TENM2: variants seen among roughly 807,000 people sequenced by gnomAD.
TENM2 encodes teneurin transmembrane protein 2.
In TENM2, 52 loss-of-function variants were observed where a neutral mutation model predicts 245.2. The observed-to-expected ratio is 0.21, with a 90% confidence interval of 0.17 to 0.27. TENM2 has a LOEUF of 0.27. TENM2 is among the 10% of genes least tolerant of loss of function. The probability of loss-of-function intolerance (pLI) is 1.00; values close to 1 mark genes in which losing one functional copy is unlikely to be tolerated. For missense variants in TENM2, 3,046 were observed against 3,666.8 expected, an observed-to-expected ratio of 0.83 and a Z score of 4.37; for synonymous variants, 1,363 against 1,438.9, an observed-to-expected ratio of 0.95 and a Z score of 1.19.
chr5:167,914,083 G>A (rs1776746194), intron 3 of TENM2, among the ~76,000 whole-genome samples: 1 of 152,182 alleles, frequency 6.6e-6, no homozygotes, highest in Non-Finnish European at 1.5e-5. Context: ...GGATAGTAGA[G>A]TCTTCCCCTG....
chr5:167,287,516 T>C (rs1754359893), intron 1 of TENM2: 1 of 152,084 alleles, frequency 6.6e-6, no homozygotes, highest in Admixed American at 6.5e-5. Flanking sequence ...GCAAACACAG[T>C]TGGATGACTC....
At chr5:167,916,732 A>C (rs1202067895) in intron 3 of TENM2, among the ~76,000 whole-genome samples, 1 of 152,090 alleles carries the variant, frequency 6.6e-6, no homozygotes, top group East Asian at 1.9e-4. Flanking sequence ...CCAGAACCAA[A>C]AAAAATAAAA....
At chr5:168,079,892 T>C (rs1791826574) in intron 7 of TENM2, among the ~76,000 whole-genome samples, 1 of 152,158 alleles carries the variant, frequency 6.6e-6, no homozygotes, top group African/African-American at 2.4e-5. Context: ...TAAAATTCTC[T>C]TTTTTTGTTG....
At chr5:167,122,022 AT>A in the TENM2 span, among the ~76,000 whole-genome samples, 3 of 152,026 alleles carry the variant, frequency 2.0e-5, no homozygotes, top group Non-Finnish European at 1.5e-5. Flanking sequence ...AGCTATAGCT[AT>A]TTTTTTTCCA....
chr5:168,013,389 A>C (rs1349400147), intron 5 of TENM2, among the ~76,000 whole-genome samples: 1 of 152,132 alleles, frequency 6.6e-6, no homozygotes, highest in Non-Finnish European at 1.5e-5. Flanking sequence ...GGATCACCTG[A>C]GGTCAGGAGT....
intron 5 of TENM2, among the ~76,000 whole-genome samples, chr5:168,008,969 G>A (rs17069574): frequency 0.15 from 22,923 of 152,186 alleles, 1,940 homozygotes; most frequent in Admixed American, 0.26. Context: ...CCCTTCTGAG[G>A]CATTCACTTT....
intron 2 of TENM2, among the ~76,000 whole-genome samples, chr5:167,451,712 G>T (rs932918521): frequency 6.6e-6 from 1 of 151,642 alleles, no homozygotes; most frequent in African/African-American, 2.4e-5. Flanking sequence ...GCAGTGGCGC[G>T]ACCTGGGCTC....
intron 2 of TENM2, among the ~76,000 whole-genome samples, chr5:167,831,140 T>C (rs897920510): frequency 3.9e-5 from 6 of 152,108 alleles, no homozygotes; most frequent in Non-Finnish European, 8.8e-5. Flanking sequence ...TTCCTTCTCC[T>C]CCTTCTTCTT....
intron 2 of TENM2, among the ~76,000 whole-genome samples, chr5:167,523,883 G>A (rs1020787323): frequency 3.9e-5 from 6 of 152,056 alleles, no homozygotes; most frequent in Admixed American, 1.3e-4. Flanking sequence ...CTATGTTTCT[G>A]TGCCCTTCAT....
At chr5:167,460,520 T>C (rs1191253398) in intron 2 of TENM2, among the ~76,000 whole-genome samples, 1 of 152,172 alleles carries the variant, frequency 6.6e-6, no homozygotes, top group Non-Finnish European at 1.5e-5. Flanking sequence ...TAAGTTCATC[T>C]CTCTCTAACT....
chr5:167,365,999 TAAAG>T (rs147021724), intron 1 of TENM2, among the ~76,000 whole-genome samples: 4,321 of 151,796 alleles, frequency 0.028, 181 homozygotes, highest in African/African-American at 0.095. Flanking sequence ...TGAATGAACT[TAAAG>T]AAAGAAATAA....
intron 3 of TENM2, among the ~76,000 whole-genome samples, chr5:167,878,693 A>G (rs935883672): frequency 6.6e-5 from 10 of 152,136 alleles, no homozygotes; most frequent in African/African-American, 2.4e-4. Context: ...AATTTGACAT[A>G]AAGGATTGAA....
chr5:167,612,205 G>A (rs1248123758), intron 2 of TENM2, among the ~76,000 whole-genome samples: 1 of 152,032 alleles, frequency 6.6e-6, no homozygotes, highest in Non-Finnish European at 1.5e-5. Flanking sequence ...ACAGCACAAT[G>A]TGTCCTAAAT....
At chr5:168,220,216 C>T (rs748521761) in intron 23 of TENM2, among the ~76,000 whole-genome samples, 10 of 152,144 alleles carry the variant, frequency 6.6e-5, no homozygotes, top group South Asian at 2.1e-4. Flanking sequence ...CAAACACCTC[C>T]GAGATTTTCA....
chr5:167,160,019 A>G, the TENM2 span, among the ~76,000 whole-genome samples: 3 of 152,228 alleles, frequency 2.0e-5, no homozygotes, highest in African/African-American at 7.2e-5. Context: ...GTCTCTAGAT[A>G]GTTGGGCTCT....
At chr5:167,269,569 C>T in the TENM2 span, among the ~76,000 whole-genome samples, 1 of 151,336 alleles carries the variant, frequency 6.6e-6, no homozygotes, top group African/African-American at 2.4e-5. Context: ...AGATTCATAA[C>T]AAAAATGATG....
chr5:167,918,016 A>G (rs917683663), intron 3 of TENM2, among the ~76,000 whole-genome samples: 1 of 152,222 alleles, frequency 6.6e-6, no homozygotes, highest in African/African-American at 2.4e-5. Flanking sequence ...AACAATAACA[A>G]CAATCACTGC....
intron 5 of TENM2, among the ~76,000 whole-genome samples, chr5:168,016,557 C>T (rs1388703557): frequency 6.6e-6 from 1 of 152,162 alleles, no homozygotes; most frequent in Non-Finnish European, 1.5e-5. Flanking sequence ...TCAGACCTGC[C>T]GAATTCCAAC....
intron 5 of TENM2, among the ~76,000 whole-genome samples, chr5:168,028,014 C>T (rs536627380): frequency 2.6e-4 from 40 of 152,300 alleles, no homozygotes; most frequent in African/African-American, 9.4e-4. Context: ...TTACGAGAAT[C>T]AACACCACTG....
Sources: allele counts gnomAD v4.1 joint callset (sites outside exome capture counted in the v4.1 genomes callset), GRCh38; gene constraint gnomAD v4.1.1; transcripts MANE v1.5; gene names NCBI Gene and HGNC (gene_info 2026-07-23, HGNC 2026-07-21).